ARHGAP8: variants seen among roughly 807,000 people sequenced by gnomAD.
ARHGAP8 encodes the protein rho GTPase-activating protein 8.
ARHGAP8 carries 62 observed loss-of-function variants against 46.1 expected under a neutral mutation model. The observed-to-expected ratio is 1.34, with a 90% confidence interval of 1.10 to 1.66. The LOEUF (loss-of-function observed/expected upper bound fraction) is 1.66, where lower values mean the gene tolerates loss of function less well. Among genes scored for constraint, ARHGAP8 ranks in the 40% most tolerant of loss-of-function variants. The pLI is 0.00. For synonymous variants in ARHGAP8, 375 were observed against 243.1 expected (o/e 1.54, Z -5.05); for missense variants, 923 against 568.4 (o/e 1.62, Z -6.34).
Position 44,862,629 on chromosome 22 carries a change from C to G in ARHGAP8, c.*34C>G. The stretch of plus-strand genomic sequence containing the variant: ...ACACTCTGTATATTTCGAGCTACCT[C>G]CCACACCTGTCTGTGCACTTGTATG... On this transcript the variant is annotated 3_prime_UTR_variant, in exon 12 of 12. Transcript: ENST00000356099. The G allele has an allele frequency of 1.3e-6, 2 of 1,524,438 alleles. No homozygotes were observed. The highest frequency in any genetic ancestry group is 1.8e-6 in the Non-Finnish European group (2 of 1,133,426). The allele number at this position is 1,524,438 out of a possible 1,614,324, so 94.4% of individuals were successfully genotyped here. A position where few individuals can be genotyped will look rare whatever the true frequency, so the allele number is the denominator to read the frequency against.
intron 5 of ARHGAP8, among the ~76,000 whole-genome samples, chr22:44,819,733 C>G (rs12168522): frequency 0.2 from 30,776 of 152,202 alleles, 3,415 homozygotes; most frequent in Admixed American, 0.29. Context: ...ATTCCAATAT[C>G]TTACGCACCT....
At chr22:44,824,295 G>A (rs1197181588) in intron 6 of ARHGAP8, among the ~76,000 whole-genome samples, 1 of 152,222 alleles carries the variant, frequency 6.6e-6, no homozygotes, top group African/African-American at 2.4e-5. Flanking sequence ...TCTCTGGGGA[G>A]CCACTTGGGG....
At chr22:44,839,152 A>G (rs545492288) in intron 7 of ARHGAP8, among the ~76,000 whole-genome samples, 1 of 152,216 alleles carries the variant, frequency 6.6e-6, no homozygotes, top group Non-Finnish European at 1.5e-5. Context: ...CTCCCTCCCC[A>G]GGGACACTGT....
At chr22:44,793,260 T>G (rs1232638824) in intron 2 of ARHGAP8, among the ~76,000 whole-genome samples, 1 of 151,934 alleles carries the variant, frequency 6.6e-6, no homozygotes, top group African/African-American at 2.4e-5. Flanking sequence ...TCAGGTGGTG[T>G]GAAGCAGGGT....
chr22:44,861,117 G>A (rs1358497229), intron 11 of ARHGAP8, among the ~76,000 whole-genome samples: 1 of 152,146 alleles, frequency 6.6e-6, no homozygotes, highest in African/African-American at 2.4e-5. Flanking sequence ...GATTACAGGT[G>A]AGAACCACCA....
chr22:44,857,619 G>C (rs143300996), intron 10 of ARHGAP8, among the ~76,000 whole-genome samples: 7 of 152,244 alleles, frequency 4.6e-5, no homozygotes, highest in African/African-American at 1.7e-4. Context: ...CAGGAAACTA[G>C]GGGGACATGC....
intron 7 of ARHGAP8, among the ~76,000 whole-genome samples, chr22:44,832,973 A>G (rs1035176487): frequency 1.3e-5 from 2 of 150,106 alleles, no homozygotes; most frequent in African/African-American, 4.8e-5. Flanking sequence ...TTAAAAACAC[A>G]CACACACACA....
intron 3 of ARHGAP8, among the ~76,000 whole-genome samples, chr22:44,804,299 C>A (rs540937258): frequency 2.2e-4 from 34 of 152,286 alleles, no homozygotes; most frequent in Non-Finnish European, 4.0e-4. Context: ...CCTGGTGAAA[C>A]TCCCCGGCCC....
At position 44,768,456 on chromosome 22, in the gene ARHGAP8, C is replaced by T. The variant is rs188412667; in HGVS notation, c.-72+15829C>T. On this transcript the variant is annotated intron_variant, in intron 1 of 11. Coordinates refer to ENST00000356099, the MANE Select transcript of ARHGAP8 (RefSeq NM_181335.3). ...CTGAGACTACAGGTGCACACCACCA[C>T]ACTTGGCTAATTTTTTTTTTTTTTT... is the stretch of plus-strand genomic sequence containing the variant. 2.7e-4 allele frequency among the ~76,000 whole-genome samples: 40 copies of T among 147,388 alleles called. No homozygotes were observed. The East Asian group carries it at 6.7e-3, about 25-fold the overall frequency.
At chr22:44,857,787 T>C (rs748111918) in intron 10 of ARHGAP8, among the ~76,000 whole-genome samples, 7 of 151,246 alleles carry the variant, frequency 4.6e-5, no homozygotes, top group Admixed American at 6.6e-5. Context: ...GCTAGTCACC[T>C]AACCTCTCAG....
rs776569919 is a variant in ARHGAP8 at position 44,862,562 on chromosome 22, G to T, written c.1269G>T (p.Pro423=). ...ATGLTKPTLP[P]SPLMAARRRL ...GCCTCACCAAGCCTACCCTACCTCC[G>T]AGTCCCCTGATGGCAGCCAGAAGAC... Residue 423 remains proline, a synonymous_variant, in exon 12 of 12, where the codon CCG becomes CCT. Coordinates refer to ENST00000356099, the MANE Select transcript of ARHGAP8 (RefSeq NM_181335.3). The T allele has an allele frequency of 6.3e-7, 1 of 1,596,332 alleles. No homozygotes were observed. The highest frequency in any genetic ancestry group is 8.6e-7 in the Non-Finnish European group (1 of 1,166,798).
chr22:44,812,445 C>T (rs1929405325), intron 4 of ARHGAP8, among the ~76,000 whole-genome samples: 1 of 151,462 alleles, frequency 6.6e-6, no homozygotes. Flanking sequence ...CAACCTCTGC[C>T]TCCTGGGTTC....
chr22:44,797,661 C>T (rs925332185), intron 2 of ARHGAP8, among the ~76,000 whole-genome samples: 4 of 152,220 alleles, frequency 2.6e-5, no homozygotes, highest in Non-Finnish European at 4.4e-5. Flanking sequence ...CTTCCAGGCT[C>T]CTGGGAAGAA....
At chr22:44,855,353 C>T (rs949764246) in intron 10 of ARHGAP8, among the ~76,000 whole-genome samples, 14 of 152,060 alleles carry the variant, frequency 9.2e-5, no homozygotes, top group African/African-American at 3.4e-4. Context: ...TTTGTAAAGA[C>T]AGGGTCTCAC....
At chr22:44,860,425 G>C (rs1241323324) in intron 11 of ARHGAP8, among the ~76,000 whole-genome samples, 1 of 151,702 alleles carries the variant, frequency 6.6e-6, no homozygotes, top group African/African-American at 2.4e-5. Context: ...GCTCCCCCCT[G>C]GCCTTTGTCT....
At position 44,795,040 on chromosome 22, in the gene ARHGAP8, C is replaced by CAAA. The variant is rs36122461; in HGVS notation, c.80-7025_80-7023dup. Among the ~76,000 whole-genome samples the CAAA allele has an allele frequency of 4.7e-3, 530 of 111,696 alleles. 4 individuals carry two copies. The highest frequency in any genetic ancestry group is 9.4e-3 in the African/African-American group (288 of 30,578). The allele number at this position is 111,696 out of a possible 152,430, so 73.3% of individuals were successfully genotyped here. A position where few individuals can be genotyped will look rare whatever the true frequency, so the allele number is the denominator to read the frequency against. ...TGGGTGACACAGCCAAACTCTGTCT[C>CAAA]AAAAAAAAAAAAAACAAAAAACGAA... is the stretch of plus-strand genomic sequence containing the variant. On this transcript the variant is annotated intron_variant, in intron 2 of 11. Coordinates refer to ENST00000356099, the MANE Select transcript of ARHGAP8 (RefSeq NM_181335.3).
chr22:44,755,936 G>T (rs557219499), intron 1 of ARHGAP8, among the ~76,000 whole-genome samples: 1 of 152,224 alleles, frequency 6.6e-6, no homozygotes, highest in East Asian at 1.9e-4. Context: ...TGTCATTACC[G>T]ACTCATAGGA....
chr22:44,808,165 G>T, intron 3 of ARHGAP8, 142 bp from the exon 4 acceptor site: 1 of 1,287,690 alleles, frequency 7.8e-7, no homozygotes, highest in Non-Finnish European at 1.0e-6. Flanking sequence ...AATGAGGACC[G>T]GGGCCCACGG....
chr22:44,808,682 AC>A, intron 4 of ARHGAP8: 1 of 704,078 alleles, frequency 1.4e-6, no homozygotes, highest in Non-Finnish European at 2.4e-6. Flanking sequence ...AGACGGTCTC[AC>A]CCAGCCACCA....
Sources: gnomAD v4.1 joint callset for allele counts (sites outside exome capture counted in the v4.1 genomes callset) on GRCh38, gnomAD v4.1.1 for gene constraint, MANE v1.5 for transcripts, NCBI Gene and HGNC (gene_info 2026-07-23, HGNC 2026-07-21) for gene names.